Variants in ZEB2 observed in about 807,000 individuals in gnomAD.
The protein encoded by ZEB2 is zinc finger E-box binding homeobox 2.
A neutral mutation model predicts 99.9 loss-of-function variants in ZEB2; 6 were observed. The observed-to-expected ratio is 0.06, with a 90% CI of 0.03 to 0.12. The LOEUF (loss-of-function observed/expected upper bound fraction) is 0.12, where lower values mean the gene tolerates loss of function less well. Ranked by LOEUF, ZEB2 falls within the 10% of genes least tolerant of loss-of-function variation. The pLI, the probability that ZEB2 is intolerant of heterozygous loss-of-function variation, is 1.00. For synonymous variants in ZEB2, 517 were observed against 542.5 expected, an observed-to-expected ratio of 0.95 and a Z score of 0.65; for missense variants, 969 against 1,502.8, an observed-to-expected ratio of 0.64 and a Z score of 5.87.
At chr2:144,434,474 C>G (rs1278201686) in intron 2 of ZEB2, among the ~76,000 whole-genome samples, 1 of 152,062 alleles carries the variant, frequency 6.6e-6, no homozygotes, top group Non-Finnish European at 1.5e-5. Context: ...TGTCAAAGGC[C>G]GTACAGCTAG....
chr2:144,469,021 G>C (rs1298528086), intron 2 of ZEB2, among the ~76,000 whole-genome samples: 1 of 152,006 alleles, frequency 6.6e-6, no homozygotes, highest in East Asian at 1.9e-4. Context: ...TCTTACCCTT[G>C]CCAAGCAGTT....
At chr2:144,437,072 A>C (rs975799058) in intron 2 of ZEB2, among the ~76,000 whole-genome samples, 1 of 152,210 alleles carries the variant, frequency 6.6e-6, no homozygotes, top group Admixed American at 6.5e-5. Context: ...TGATGTTTCA[A>C]ACATACAGGC....
chr2:144,404,830 C>T lies in ZEB2; in HGVS notation c.592+6G>A, dbSNP rs767452916. On this transcript the variant is annotated splice_donor_region_variant and intron_variant, in intron 5 of 9. Coordinates refer to ENST00000627532, the MANE Select transcript of ZEB2 (RefSeq NM_014795.4). ...TGCAGTGGCTAAAAATGATTTACAG[C>T]CTCACCATTTTCTTCTTGCCCATTG... 1 of 1,613,578 alleles carries T rather than the reference C, an allele frequency of 6.2e-7. No homozygotes were observed. Among genetic ancestry groups the T allele is most frequent in the Non-Finnish European group, 8.5e-7 (1 of 1,179,812 alleles).
chr2:144,452,744 G>C (rs1454308987), intron 2 of ZEB2, among the ~76,000 whole-genome samples: 1 of 151,964 alleles, frequency 6.6e-6, no homozygotes, highest in Non-Finnish European at 1.5e-5. Flanking sequence ...TCGCCATCTC[G>C]GTATTTAATC....
chr2:144,479,793 G>A (rs1704484428), intron 2 of ZEB2, among the ~76,000 whole-genome samples: 1 of 151,404 alleles, frequency 6.6e-6, no homozygotes, highest in East Asian at 1.9e-4. Context: ...CTATCTTTGC[G>A]ACAGTTTTTC....
chr2:144,510,616 G>T (rs1705018482), intron 2 of ZEB2, among the ~76,000 whole-genome samples: 1 of 151,960 alleles, frequency 6.6e-6, no homozygotes, highest in Non-Finnish European at 1.5e-5. Context: ...GCTATATAAG[G>T]CTGGTAACTA....
intron 2 of ZEB2, among the ~76,000 whole-genome samples, chr2:144,476,907 G>A (rs1258028957): frequency 1.3e-5 from 2 of 152,148 alleles, no homozygotes. Flanking sequence ...ACAGTGAGTG[G>A]ACAACAGCCA....
intron 2 of ZEB2, chr2:144,461,018 T>G (rs1288711026): frequency 6.6e-6 from 1 of 152,064 alleles, no homozygotes; most frequent in Non-Finnish European, 1.5e-5. Flanking sequence ...GTAATTAGAA[T>G]TAGGGGCCAT....
chr2:144,436,017 T>C (rs1703833266), intron 2 of ZEB2, among the ~76,000 whole-genome samples: 1 of 152,118 alleles, frequency 6.6e-6, no homozygotes, highest in Admixed American at 6.6e-5. Context: ...CAATTTCTTA[T>C]TTAATAATGG....
At chr2:144,519,420 G>C (rs1705229110) in intron 1 of ZEB2, 2 of 153,086 alleles carry the variant, frequency 1.3e-5, no homozygotes, top group African/African-American at 2.4e-5. Context: ...CAGCCTTCTC[G>C]GTGGGAGAGG....
chr2:144,400,464 G>C (rs1232662757), intron 7 of ZEB2, 194 bp from the exon 8 acceptor site: 5 of 674,594 alleles, frequency 7.4e-6, no homozygotes, highest in Non-Finnish European at 1.2e-5. Flanking sequence ...CATAATTCAA[G>C]ATGTTCACAG....
intron 9 of ZEB2, 29 bp downstream of exon 9, chr2:144,396,383 T>C: frequency 6.2e-7 from 1 of 1,612,226 alleles, no homozygotes; most frequent in Non-Finnish European, 8.5e-7. Context: ...GACGGGAAGC[T>C]CTAACCAGTT....
At chr2:144,510,141 G>A (rs1705009761) in intron 2 of ZEB2, among the ~76,000 whole-genome samples, 1 of 149,624 alleles carries the variant, frequency 6.7e-6, no homozygotes, top group East Asian at 2.3e-4. Flanking sequence ...TCTTTTCAGA[G>A]AATTTTTTTT....
chr2:144,409,470 C>T (rs1336190114), intron 4 of ZEB2, among the ~76,000 whole-genome samples: 4 of 152,122 alleles, frequency 2.6e-5, no homozygotes, highest in African/African-American at 9.7e-5. Context: ...ATCCTCTTCA[C>T]TCCCTGGTCT....
intron 2 of ZEB2, among the ~76,000 whole-genome samples, chr2:144,502,993 T>C (rs189334425): frequency 1.3e-5 from 2 of 152,182 alleles, no homozygotes; most frequent in Non-Finnish European, 2.9e-5. Flanking sequence ...ACAAGGTAAC[T>C]CTTCCTTAGG....
chr2:144,475,054 A>G (rs1441885412), intron 2 of ZEB2, among the ~76,000 whole-genome samples: 1 of 152,230 alleles, frequency 6.6e-6, no homozygotes, highest in Non-Finnish European at 1.5e-5. Context: ...AAGATAATAT[A>G]AAACCTAGAG....
intron 2 of ZEB2, chr2:144,512,448 A>G (rs1295070087): frequency 7.8e-7 from 1 of 1,287,132 alleles, no homozygotes; most frequent in Non-Finnish European, 1.0e-6. Flanking sequence ...TTAATATGGC[A>G]TCAAGGTCTT....
intron 2 of ZEB2, among the ~76,000 whole-genome samples, chr2:144,502,714 C>T (rs927994069): frequency 2.9e-4 from 44 of 152,108 alleles, no homozygotes; most frequent in African/African-American, 8.9e-4. Context: ...AAATTTAGTA[C>T]CAAACTTAAG....
chr2:144,517,681 C>G, intron 1 of ZEB2: 1 of 702,194 alleles, frequency 1.4e-6, no homozygotes, highest in South Asian at 1.5e-5. Context: ...AGTCATAACT[C>G]CTGACCGTAT....
Sources: gnomAD v4.1 joint callset for allele counts (sites outside exome capture counted in the v4.1 genomes callset) on GRCh38, gnomAD v4.1.1 for gene constraint, MANE v1.5 for transcripts, NCBI Gene and HGNC (gene_info 2026-07-23, HGNC 2026-07-21) for gene names.